MECOM: variants seen among roughly 807,000 people sequenced by gnomAD.
The protein encoded by MECOM is histone-lysine N-methyltransferase MECOM.
Under a neutral mutation model 116.3 loss-of-function variants are expected in MECOM, and 13 were observed. The observed-to-expected ratio is 0.11, with a 90% confidence interval of 0.07 to 0.18. The LOEUF is 0.18. Ranked by LOEUF, MECOM falls within the 10% of genes least tolerant of loss-of-function variation. MECOM has a pLI of 1.00. For missense variants in MECOM, 1,299 were observed against 1,509.0 expected (o/e 0.86, Z 2.31); for synonymous variants, 528 against 535.2 (o/e 0.99, Z 0.19).
chr3:169,379,431 T>C (rs958866857), intron 2 of MECOM, among the ~76,000 whole-genome samples: 1 of 152,072 alleles, frequency 6.6e-6, no homozygotes, highest in African/African-American at 2.4e-5. Context: ...GTGTCTTGAA[T>C]TCCAAGCAAT....
At chr3:169,533,576 A>ATTTTTTTTTTTTTTTTT (rs57279349) in intron 1 of MECOM, among the ~76,000 whole-genome samples, 18 of 85,088 alleles carry the variant, frequency 2.1e-4, no homozygotes, top group Non-Finnish European at 1.7e-4. Context: ...CCCAGTGCTG[A>ATTTTTTTTTTTTTTTTT]TTTTTTTTTT....
chr3:169,512,668 A>G (rs1014371193), intron 1 of MECOM, among the ~76,000 whole-genome samples: 2 of 152,262 alleles, frequency 1.3e-5, no homozygotes, highest in Non-Finnish European at 2.9e-5. Context: ...ATCTGATGAA[A>G]GAATCAATTA....
At chr3:169,455,969 C>T (rs982541886) in intron 1 of MECOM, among the ~76,000 whole-genome samples, 13 of 152,128 alleles carry the variant, frequency 8.5e-5, no homozygotes, top group Non-Finnish European at 1.6e-4. Flanking sequence ...CAGTCTTTGG[C>T]CTGCAAAAGT....
At position 169,102,095 on chromosome 3, in the gene MECOM, G is replaced by A. The variant is rs751655846; in HGVS notation, c.2736C>T (p.Asn912=). 6.2e-7 allele frequency: 1 copy of A among 1,613,588 alleles called. No homozygotes were observed. The highest frequency in any genetic ancestry group is 8.5e-7 in the Non-Finnish European group (1 of 1,179,794). ...AGCGCTCCTTTCCCTTCCGCAGAAG[G>A]TTCTCTGGCAGGGCATTGGGAGGCG... ...FRAPPNALPE[N]LLRKGKERYT... Residue 912 remains asparagine (N), a synonymous_variant, in exon 11 of 17, where the codon AAC becomes AAT. Transcript: ENST00000651503.
At chr3:169,334,295 A>G (rs73172059) in intron 2 of MECOM, among the ~76,000 whole-genome samples, 9,937 of 152,202 alleles carry the variant, frequency 0.065, 437 homozygotes, top group Middle Eastern at 0.12. Flanking sequence ...TGCAGTTAAT[A>G]ATTTTATCTT....
At chr3:169,287,853 G>C (rs1018329140) in intron 2 of MECOM, among the ~76,000 whole-genome samples, 3 of 152,162 alleles carry the variant, frequency 2.0e-5, no homozygotes, top group Non-Finnish European at 2.9e-5. Flanking sequence ...TAATGGACAT[G>C]CATTCCGCCC....
chr3:169,560,474 T>A (rs926681849), intron 1 of MECOM, among the ~76,000 whole-genome samples: 1 of 152,144 alleles, frequency 6.6e-6, no homozygotes, highest in Non-Finnish European at 1.5e-5. Flanking sequence ...TTTTACTTTA[T>A]AAAAAATTTA....
intron 1 of MECOM, among the ~76,000 whole-genome samples, chr3:169,544,032 T>C (rs1464435509): frequency 2.0e-5 from 3 of 152,182 alleles, no homozygotes; most frequent in Non-Finnish European, 4.4e-5. Flanking sequence ...ATTACAGGCA[T>C]GTGCCACCAC....
intron 2 of MECOM, among the ~76,000 whole-genome samples, chr3:169,165,070 G>A (rs1743381857): frequency 6.6e-6 from 1 of 152,140 alleles, no homozygotes; most frequent in Admixed American, 6.5e-5. Flanking sequence ...GTGGGAATTG[G>A]TTCCTCTGTT....
intron 2 of MECOM, among the ~76,000 whole-genome samples, chr3:169,247,213 T>C (rs2149571884): frequency 6.6e-6 from 1 of 152,268 alleles, no homozygotes; most frequent in Admixed American, 6.5e-5. Flanking sequence ...TTCAGTATTA[T>C]TTAAAAACAT....
intron 3 of MECOM, among the ~76,000 whole-genome samples, chr3:169,137,360 C>G (rs1341564185): frequency 1.3e-5 from 2 of 151,968 alleles, no homozygotes; most frequent in Admixed American, 1.3e-4. Context: ...GTGGGAAACT[C>G]CAATTCAGGA....
At chr3:169,213,668 A>G (rs1413159428) in intron 2 of MECOM, among the ~76,000 whole-genome samples, 1 of 152,174 alleles carries the variant, frequency 6.6e-6, no homozygotes, top group African/African-American at 2.4e-5. Flanking sequence ...GCTGGCCCTT[A>G]AACAGAAAAA....
intron 1 of MECOM, among the ~76,000 whole-genome samples, chr3:169,554,626 T>G (rs1245366025): frequency 6.6e-6 from 1 of 152,206 alleles, no homozygotes; most frequent in Admixed American, 6.5e-5. Flanking sequence ...TATCATGAGA[T>G]AATGCAAGGA....
At chr3:169,429,899 G>A (rs1463137973) in intron 1 of MECOM, among the ~76,000 whole-genome samples, 2 of 152,188 alleles carry the variant, frequency 1.3e-5, no homozygotes, top group Non-Finnish European at 2.9e-5. Context: ...GAATCAGGTA[G>A]TCTCTGTGTT....
chr3:169,097,840 A>AAAAAAAT (rs1722193549), intron 12 of MECOM, among the ~76,000 whole-genome samples: 1 of 140,600 alleles, frequency 7.1e-6, no homozygotes, highest in Non-Finnish European at 1.5e-5. Flanking sequence ...AAAAAAAAAA[A>AAAAAAAT]GGTGGATTCC....
At chr3:169,613,436 G>T (rs1440291369) in intron 1 of MECOM, 1 of 152,116 alleles carries the variant, frequency 6.6e-6, no homozygotes, top group Non-Finnish European at 1.5e-5. Flanking sequence ...CTCAGGACTC[G>T]ACTTCTTTTT....
chr3:169,549,818 A>T (rs1761164587), intron 1 of MECOM, among the ~76,000 whole-genome samples: 2 of 152,236 alleles, frequency 1.3e-5, no homozygotes, highest in Non-Finnish European at 2.9e-5. Context: ...TCATAGGCTT[A>T]TGAGTGAGGA....
chr3:169,493,232 TAATATGGTTTATTTGCA>T lies in MECOM; in HGVS notation c.38-111725_38-111709del, dbSNP rs551413646. Among the ~76,000 whole-genome samples, 31 of 152,324 alleles carry T rather than the reference TAATATGGTTTATTTGCA, an allele frequency of 2.0e-4. No individual in the cohort carries two copies. In the East Asian group the frequency reaches 2.3e-3, roughly 11 times the overall value. On this transcript the variant is annotated intron_variant, in intron 1 of 16. Transcript: ENST00000651503. ...GGGGCTCAAGAACAGAACTCACCGT[TAATATGGTTTATTTGCA>T]AATATGGTTTATTTGATCAAGTAGC...
intron 2 of MECOM, among the ~76,000 whole-genome samples, chr3:169,201,173 A>AT (rs1231687818): frequency 2.0e-5 from 3 of 152,130 alleles, no homozygotes; most frequent in African/African-American, 7.2e-5. Context: ...TGCACTTTGC[A>AT]TTATGCCTAA....
Sources: gnomAD v4.1 joint callset for allele counts (sites outside exome capture counted in the v4.1 genomes callset) on GRCh38, gnomAD v4.1.1 for gene constraint, MANE v1.5 for transcripts, NCBI Gene and HGNC (gene_info 2026-07-23, HGNC 2026-07-21) for gene names.